Variants in NDUFS4 observed in about 807,000 individuals in gnomAD.
NDUFS4 encodes the protein NADH:ubiquinone oxidoreductase subunit S4, also known as NADH dehydrogenase [ubiquinone] iron-sulfur protein 4, mitochondrial.
Under a neutral mutation model 24.3 loss-of-function variants are expected in NDUFS4, and 28 were observed. The observed-to-expected ratio is 1.15, with a 90% confidence interval of 0.85 to 1.58. NDUFS4 has a LOEUF of 1.58. Among genes scored for constraint, NDUFS4 ranks in the 40% most tolerant of loss-of-function variants. NDUFS4 has a pLI of 0.00. For synonymous variants in NDUFS4, 93 were observed against 69.7 expected (o/e 1.34, Z -1.67); for missense variants, 223 against 207.9 (o/e 1.07, Z -0.45).
intron 2 of NDUFS4, among the ~76,000 whole-genome samples, chr5:53,608,879 AG>A (rs768863971): frequency 1.3e-5 from 2 of 152,256 alleles, no homozygotes; most frequent in Non-Finnish European, 2.9e-5. Context: ...GTATTATAAA[AG>A]CACTTTACAA....
intron 2 of NDUFS4, among the ~76,000 whole-genome samples, chr5:53,612,334 A>G (rs917079844): frequency 5.9e-5 from 9 of 152,058 alleles, no homozygotes; most frequent in African/African-American, 2.2e-4. Flanking sequence ...AACTTTTACA[A>G]AGGTAGTATA....
chr5:53,672,097 G>T (rs1740287047), intron 4 of NDUFS4, among the ~76,000 whole-genome samples: 1 of 152,022 alleles, frequency 6.6e-6, no homozygotes, highest in African/African-American at 2.4e-5. Context: ...AATAAAGAAA[G>T]AAATAATTGG....
chr5:53,674,206 T>C (rs1478597749), intron 4 of NDUFS4, among the ~76,000 whole-genome samples: 1 of 152,222 alleles, frequency 6.6e-6, no homozygotes, highest in African/African-American at 2.4e-5. Flanking sequence ...GAAATATGAC[T>C]GGATAAAGAA....
chr5:53,616,488 T>A (rs1262545805), intron 2 of NDUFS4, among the ~76,000 whole-genome samples: 1 of 152,090 alleles, frequency 6.6e-6, no homozygotes. Flanking sequence ...TGAATTAAGA[T>A]CTGAATTGAT....
At position 53,560,767 on chromosome 5, in the gene NDUFS4, G is replaced by T. The variant is rs1561325912; in HGVS notation, c.98+7G>T. Reference sequence around the variant, plus strand: ...TTTCCAGGGTTCCGACCAGGTAATAGAATTTTCACACTTTTCTTCAAGCTT... The same window carrying T: ...TTTCCAGGGTTCCGACCAGGTAATATAATTTTCACACTTTTCTTCAAGCTT... On this transcript the variant is annotated splice_region_variant and intron_variant, in intron 1 of 4. Transcript: ENST00000296684. 6.2e-7 allele frequency: 1 copy of T among 1,614,174 alleles called. No homozygotes were observed. Among genetic ancestry groups the T allele is most frequent in the East Asian group, 2.2e-5 (1 of 44,888 alleles).
chr5:53,662,677 G>A (rs1752380847), intron 4 of NDUFS4, among the ~76,000 whole-genome samples: 2 of 152,282 alleles, frequency 1.3e-5, no homozygotes, highest in African/African-American at 2.4e-5. Context: ...TTCAGAGCCT[G>A]TTATTGGTCT....
intron 2 of NDUFS4, among the ~76,000 whole-genome samples, chr5:53,636,641 C>T (rs924666084): frequency 1.3e-5 from 2 of 152,050 alleles, no homozygotes; most frequent in African/African-American, 2.4e-5. Context: ...TGATATGGTT[C>T]GGATCTGTGT....
chr5:53,647,415 G>A (rs1007936224), intron 3 of NDUFS4, among the ~76,000 whole-genome samples: 2 of 151,768 alleles, frequency 1.3e-5, no homozygotes, highest in African/African-American at 4.8e-5. Flanking sequence ...ATGGAGTCTC[G>A]CTTTGTTGCC....
At chr5:53,577,533 T>G (rs577088248) in intron 1 of NDUFS4, among the ~76,000 whole-genome samples, 1 of 152,132 alleles carries the variant, frequency 6.6e-6, no homozygotes, top group South Asian at 2.1e-4. Context: ...TTGTTTATTG[T>G]GCACTTAGGC....
chr5:53,578,156 TTAA>T, intron 1 of NDUFS4, among the ~76,000 whole-genome samples: 1 of 152,216 alleles, frequency 6.6e-6, no homozygotes, highest in Non-Finnish European at 1.5e-5. Flanking sequence ...CTGAGTTTAT[TTAA>T]CAAATTTTAG....
chr5:53,601,003 AT>A (rs3084744), intron 1 of NDUFS4, among the ~76,000 whole-genome samples: 31,696 of 130,488 alleles, frequency 0.24, 3,187 homozygotes, highest in Admixed American at 0.31. Flanking sequence ...TTTATAATAA[AT>A]TTTTTTTTTT....
At chr5:53,655,436 T>C (rs1383466226) in intron 3 of NDUFS4, among the ~76,000 whole-genome samples, 1 of 151,950 alleles carries the variant, frequency 6.6e-6, no homozygotes, top group Non-Finnish European at 1.5e-5. Context: ...GCTTTTTTGC[T>C]TAACTTTGTG....
At chr5:53,658,524 T>C in intron 3 of NDUFS4, 27 bp from the exon 4 acceptor site, 6 of 1,564,128 alleles carry the variant, frequency 3.8e-6, no homozygotes, top group Middle Eastern at 1.7e-4. Flanking sequence ...TAATGTTAAA[T>C]CTTGGAAAAA....
intron 1 of NDUFS4, among the ~76,000 whole-genome samples, chr5:53,593,103 A>G (rs1211313784): frequency 7.2e-5 from 11 of 152,120 alleles, no homozygotes; most frequent in African/African-American, 2.4e-4. Context: ...AAGAGATTGT[A>G]GAGATTTAGT....
chr5:53,605,497 G>A (rs1377614926), intron 2 of NDUFS4, among the ~76,000 whole-genome samples: 1 of 152,192 alleles, frequency 6.6e-6, no homozygotes, highest in Non-Finnish European at 1.5e-5. Flanking sequence ...AAGAGAGGTA[G>A]ACAGACTGGA....
intron 4 of NDUFS4, among the ~76,000 whole-genome samples, chr5:53,675,198 G>C (rs1172108822): frequency 1.7e-5 from 2 of 115,854 alleles, no homozygotes; most frequent in Admixed American, 2.5e-4. Context: ...GTCTCACTCT[G>C]TCACCCAGGC....
chr5:53,607,272 A>C, intron 2 of NDUFS4, among the ~76,000 whole-genome samples: 1 of 152,200 alleles, frequency 6.6e-6, no homozygotes, highest in Non-Finnish European at 1.5e-5. Context: ...TCTCCTTCCC[A>C]GAACGGTCTT....
chr5:53,598,231 C>T (rs989733197), intron 1 of NDUFS4, among the ~76,000 whole-genome samples: 4 of 152,146 alleles, frequency 2.6e-5, no homozygotes, highest in African/African-American at 7.2e-5. Flanking sequence ...AACGTATGAT[C>T]AGCAGTTGTG....
chr5:53,620,818 G>C (rs1015502483), intron 2 of NDUFS4, among the ~76,000 whole-genome samples: 6 of 152,200 alleles, frequency 3.9e-5, no homozygotes, highest in African/African-American at 1.2e-4. Context: ...CATACTCTAT[G>C]ATTTCAATTT....
Sources: allele counts gnomAD v4.1 joint callset (sites outside exome capture counted in the v4.1 genomes callset), GRCh38; gene constraint gnomAD v4.1.1; transcripts MANE v1.5; gene names NCBI Gene and HGNC (gene_info 2026-07-23, HGNC 2026-07-21).